The following BAIAP2 variants were observed in gnomAD, a reference collection of about 807,000 sequenced individuals.
BAIAP2 encodes the protein BAR/IMD domain-containing adapter protein 2.
A neutral mutation model predicts 63.0 loss-of-function variants in BAIAP2; 18 were observed. The observed-to-expected ratio is 0.29, with a 90% CI of 0.20 to 0.42. BAIAP2 has a LOEUF of 0.42. Among genes scored for constraint, BAIAP2 ranks in the 10% least tolerant of loss-of-function variants. The probability of loss-of-function intolerance (pLI) is 1.00; values close to 1 mark genes in which losing one functional copy is unlikely to be tolerated. For synonymous variants in BAIAP2, 386 were observed against 307.6 expected, an observed-to-expected ratio of 1.25 and a Z score of -2.67; for missense variants, 610 against 734.3, an observed-to-expected ratio of 0.83 and a Z score of 1.96.
intron 3 of BAIAP2, among the ~76,000 whole-genome samples, chr17:81,065,449 G>A (rs187068246): frequency 6.6e-6 from 1 of 152,208 alleles, no homozygotes; most frequent in East Asian, 1.9e-4. Context: ...AGACCCAAGG[G>A]TGGAGGGCAG....
chr17:81,099,969 T>A lies in BAIAP2; in HGVS notation c.531T>A (p.Asn177Lys). The A allele has an allele frequency of 6.2e-7, 1 of 1,613,458 alleles. No homozygotes were observed. The highest frequency in any genetic ancestry group is 8.5e-7 in the Non-Finnish European group (1 of 1,179,956). ...GCAACAAGCAGGGCGAGCTGGAGAATTACGTGTCCGACGGCTACAAGACCG... is the reference window on the plus strand; with the variant it reads ...GCAACAAGCAGGGCGAGCTGGAGAAATACGTGTCCGACGGCTACAAGACCG... Reference protein sequence around the residue: ...AISNKQGELENYVSDGYKTAL... With the variant: ...AISNKQGELEKYVSDGYKTAL... Residue 177 changes from asparagine to lysine, a missense_variant, in exon 7 of 14, where the codon AAT becomes AAA. Around this residue, in one of 5 missense-constraint regions of BAIAP2, gnomAD observed 389 missense variants for 455.6 expected, o/e 0.85. Coordinates refer to ENST00000428708, the MANE Select transcript of BAIAP2 (RefSeq NM_001144888.2).
In BAIAP2 at chr17:81,100,071, C is replaced by T. The variant is rs899908893; in HGVS notation, c.633C>T (p.Tyr211=). ...CCGTGGCCAAGAACTCCGCGGCCTA[C>T]CACTCCAAGGTGAGGCGGCTGGGGG... ...QCAVAKNSAA[Y]HSKGKELLAQ... The change falls in exon 7 of 14, where the codon TAC becomes TAT. Residue 211 remains tyrosine, a synonymous_variant. Transcript: ENST00000428708. The T allele has an allele frequency of 5.6e-6, 9 of 1,610,540 alleles. No individual in the cohort carries two copies. The highest frequency in any genetic ancestry group is 1.1e-5 in the South Asian group (1 of 90,960).
intron 2 of BAIAP2, among the ~76,000 whole-genome samples, chr17:81,054,671 G>A (rs188874461): frequency 7.9e-5 from 12 of 152,298 alleles, no homozygotes; most frequent in African/African-American, 2.9e-4. Flanking sequence ...ACGCCCTGCA[G>A]CTCCTTCTCA....
chr17:81,037,834 T>C (rs1016563038), intron 1 of BAIAP2, among the ~76,000 whole-genome samples: 2 of 152,274 alleles, frequency 1.3e-5, no homozygotes, highest in African/African-American at 4.8e-5. Context: ...GGAGGACGCT[T>C]GTCCTTGGCC....
chr17:81,089,031 C>T (rs1281429704), intron 6 of BAIAP2, among the ~76,000 whole-genome samples: 2 of 152,378 alleles, frequency 1.3e-5, no homozygotes, highest in South Asian at 2.1e-4. Flanking sequence ...GGGCCCTGAC[C>T]GCACACCTGG....
At position 81,116,483 on chromosome 17, in the gene BAIAP2, C is replaced by A. The variant is rs2060543613; in HGVS notation, c.*644C>A. 8 of 788,326 alleles carry A rather than the reference C, an allele frequency of 1.0e-5. No homozygotes were observed. Among genetic ancestry groups the A allele is most frequent in the Admixed American group, 5.8e-5 (2 of 34,550 alleles). The allele number at this position is 788,326 out of a possible 1,614,324, so 48.8% of individuals were successfully genotyped here. On this transcript the variant is annotated 3_prime_UTR_variant, in exon 14 of 14. Transcript: ENST00000428708. ...GGCAGGCCCCAGCCCTCCTCCTTAC[C>A]CAACCTCCCATCCAGAACCTTGCTG... is the stretch of plus-strand genomic sequence containing the variant.
intron 1 of BAIAP2, among the ~76,000 whole-genome samples, chr17:81,050,712 C>T (rs1476013773): frequency 3.7e-5 from 3 of 81,908 alleles, no homozygotes; most frequent in Non-Finnish European, 9.4e-5. Flanking sequence ...CAGCTCAGCA[C>T]ACACACGCAC....
At chr17:81,077,911 C>T (rs530055466) in intron 3 of BAIAP2, among the ~76,000 whole-genome samples, 1 of 142,648 alleles carries the variant, frequency 7.0e-6, no homozygotes, top group East Asian at 2.1e-4. Flanking sequence ...ACTCTGGGTG[C>T]AGGTGCCATC....
At position 81,058,410 on chromosome 17, in the gene BAIAP2, G is replaced by A. The variant is rs961373195; in HGVS notation, c.217+443G>A. Reference sequence around the variant, plus strand: ...CTGGAGGGCAGGTTATGTTATTGATGCTTTGTCTGTGTTTAGCAAATTTTC... The same window carrying A: ...CTGGAGGGCAGGTTATGTTATTGATACTTTGTCTGTGTTTAGCAAATTTTC... On this transcript the variant is annotated intron_variant, in intron 3 of 13. Coordinates refer to ENST00000428708, the MANE Select transcript of BAIAP2 (RefSeq NM_001144888.2). Among the ~76,000 whole-genome samples, 4 of 152,226 alleles carry A rather than the reference G, an allele frequency of 2.6e-5. No individual in the cohort carries two copies. The South Asian group carries it at 8.3e-4, about 31-fold the overall frequency.
At position 81,108,497 on chromosome 17, in the gene BAIAP2, G is replaced by C. The variant is rs746358890; in HGVS notation, c.1523G>C (p.Arg508Pro). Residue 508 changes from arginine (R) to proline (P), a missense_variant, in exon 13 of 14, where the codon CGG (arginine) becomes CCG (proline). Transcript: ENST00000428708. Reference protein sequence around the residue: ...FSQGLDDYGARSMSRNPFAHV... With the variant: ...FSQGLDDYGAPSMSRNPFAHV... ...CAGGGCCTGGATGACTATGGAGCGC[G>C]GTCCATGAGCAGGTAAGGGGACTTT... 6.2e-7 allele frequency: 1 copy of C among 1,613,880 alleles called. No homozygotes were observed. The highest frequency in any genetic ancestry group is 2.2e-5 in the East Asian group (1 of 44,874).
At chr17:81,042,463 T>C (rs2047219572) in intron 1 of BAIAP2, among the ~76,000 whole-genome samples, 1 of 152,090 alleles carries the variant, frequency 6.6e-6, no homozygotes, top group African/African-American at 2.4e-5. Flanking sequence ...GGTGCTTTCT[T>C]GATCAGCAGG....
intron 6 of BAIAP2, among the ~76,000 whole-genome samples, chr17:81,090,055 C>T (rs1023580660): frequency 2.0e-5 from 3 of 152,184 alleles, no homozygotes; most frequent in Admixed American, 2.0e-4. Flanking sequence ...TTCTCTAGAA[C>T]TTGCAGCTGC....
At chr17:81,115,387 GGT>G (rs923440252) in intron 13 of BAIAP2, among the ~76,000 whole-genome samples, 76 of 152,294 alleles carry the variant, frequency 5.0e-4, no homozygotes, top group African/African-American at 1.7e-3. Context: ...CCACCAAACT[GGT>G]GTGTGCCCGG....
At chr17:81,065,278 G>C (rs962155538) in intron 3 of BAIAP2, among the ~76,000 whole-genome samples, 2 of 152,236 alleles carry the variant, frequency 1.3e-5, no homozygotes, top group African/African-American at 4.8e-5. Context: ...GGCCCAGCCT[G>C]GTCACAGAAG....
chr17:81,052,967 T>TA (rs1448460131), intron 1 of BAIAP2, among the ~76,000 whole-genome samples: 1 of 152,216 alleles, frequency 6.6e-6, no homozygotes, highest in Admixed American at 6.5e-5. Context: ...GGCTGGCTGT[T>TA]GACAGTCAGT....
At chr17:81,056,004 G>C (rs1462085307) in intron 2 of BAIAP2, among the ~76,000 whole-genome samples, 1 of 152,152 alleles carries the variant, frequency 6.6e-6, no homozygotes, top group Non-Finnish European at 1.5e-5. Context: ...GTGGCCTCCT[G>C]GTGGAAGTTG....
rs1432847790 is a variant in BAIAP2 at position 81,036,959 on chromosome 17, G to A, written c.54+1651G>A. 3.9e-6 allele frequency: 6 copies of A among 1,535,704 alleles called. No homozygotes were observed. In the Admixed American group the frequency reaches 1.2e-4, roughly 30 times the overall value. ...GAACTTTCGTGGTGAGAGTTGGCAG[G>A]GGGTGAGTACATGGAGTGGTTTTGC... is the stretch of plus-strand genomic sequence containing the variant. On this transcript the variant is annotated intron_variant, in intron 1 of 13. Transcript: ENST00000428708.
At chr17:81,111,829 C>T (rs1024966139) in intron 13 of BAIAP2, among the ~76,000 whole-genome samples, 7 of 152,248 alleles carry the variant, frequency 4.6e-5, no homozygotes, top group African/African-American at 1.4e-4. Flanking sequence ...TTCCCACCAC[C>T]CTTCCATCCC....
chr17:81,094,068 G>A (rs1311100322), intron 6 of BAIAP2, among the ~76,000 whole-genome samples: 1 of 152,092 alleles, frequency 6.6e-6, no homozygotes, highest in Non-Finnish European at 1.5e-5. Context: ...TTCTGCATCC[G>A]CAGCTGACAC....
Sources: allele counts gnomAD v4.1 joint callset (sites outside exome capture counted in the v4.1 genomes callset), GRCh38; gene constraint gnomAD v4.1.1; regional missense constraint gnomAD v4.1.1; transcripts MANE v1.5; gene names NCBI Gene and HGNC (gene_info 2026-07-23, HGNC 2026-07-21).